The following R3HDM2 variants were observed in gnomAD, a reference collection of about 807,000 sequenced individuals.
R3HDM2 encodes R3H domain-containing protein 2.
Under a neutral mutation model 124.5 loss-of-function variants are expected in R3HDM2, and 38 were observed. That is an observed-to-expected ratio of 0.31 (90% confidence interval 0.24 to 0.40). R3HDM2 has a LOEUF of 0.40. R3HDM2 is among the 10% of genes least tolerant of loss of function. R3HDM2 has a pLI of 1.00. For missense variants in R3HDM2, 869 were observed against 1,236.9 expected, an observed-to-expected ratio of 0.70 and a Z score of 4.46; for synonymous variants, 391 against 448.0, an observed-to-expected ratio of 0.87 and a Z score of 1.61.
At chr12:57,328,058 G>A (rs906142616) in intron 2 of R3HDM2, among the ~76,000 whole-genome samples, 21 of 149,450 alleles carry the variant, frequency 1.4e-4, no homozygotes, top group Non-Finnish European at 3.0e-4. Flanking sequence ...CAGTCGATTC[G>A]GTAAATTCAC....
chr12:57,335,804 A>G (rs981721567), intron 2 of R3HDM2, among the ~76,000 whole-genome samples: 1 of 151,694 alleles, frequency 6.6e-6, no homozygotes, highest in East Asian at 1.9e-4. Context: ...ATGGTGGCTC[A>G]CCGTTGCAAA....
intron 3 of R3HDM2, among the ~76,000 whole-genome samples, chr12:57,308,924 A>T (rs1034361484): frequency 6.6e-6 from 1 of 152,240 alleles, no homozygotes; most frequent in Non-Finnish European, 1.5e-5. Flanking sequence ...CTGGAAGTAC[A>T]GCTGGAACAG....
chr12:57,255,079 A>G lies in R3HDM2; in HGVS notation c.2667T>C (p.Pro889=), dbSNP rs745965206. 1 of 1,605,514 alleles carries G rather than the reference A, an allele frequency of 6.2e-7. No homozygotes were observed. The highest frequency in any genetic ancestry group is 8.5e-7 in the Non-Finnish European group (1 of 1,175,236). The change falls in exon 24 of 24, where the codon CCT becomes CCC. Residue 889 remains proline, a synonymous_variant. Transcript: ENST00000402412. ...CCGCCTCAGTACGGGTGATGCCCTC[A>G]GGGAGATCTGTCACCTCCAGCACCC... The part of the protein sequence containing the change: ...LGRVLEVTDL[P]EGITRTEADK...
chr12:57,389,586 CA>C (rs2138632378), intron 2 of R3HDM2, among the ~76,000 whole-genome samples: 1 of 152,324 alleles, frequency 6.6e-6, no homozygotes, highest in Non-Finnish European at 1.5e-5. Context: ...ACTACATTGT[CA>C]AACTCTGATC....
At chr12:57,420,210 T>C (rs1013043661) in intron 1 of R3HDM2, among the ~76,000 whole-genome samples, 1 of 152,226 alleles carries the variant, frequency 6.6e-6, no homozygotes, top group Non-Finnish European at 1.5e-5. Context: ...TATATAAATA[T>C]GCTCGAGTTT....
At position 57,256,517 on chromosome 12, in the gene R3HDM2, G is replaced by A. The variant is rs754129681; in HGVS notation, c.2450-6C>T. On this transcript the variant is annotated splice_polypyrimidine_tract_variant and splice_region_variant and intron_variant, in intron 21 of 23. Coordinates refer to ENST00000402412, the MANE Select transcript of R3HDM2 (RefSeq NM_001394031.1). ...AAGGGAGTAGCGCCCATCACCTAGG[G>A]AGTAAGAGCAATTGGTTTTCTGGGA... 1.5e-5 allele frequency: 23 copies of A among 1,556,484 alleles called. No individual in the cohort carries two copies. The highest frequency in any genetic ancestry group is 2.0e-5 in the Admixed American group (1 of 51,276).
chr12:57,320,071 C>T (rs1443783847), intron 2 of R3HDM2, among the ~76,000 whole-genome samples: 1 of 151,664 alleles, frequency 6.6e-6, no homozygotes, highest in African/African-American at 2.4e-5. Flanking sequence ...TGAGCCTGGC[C>T]AACACGGTGA....
intron 13 of R3HDM2, among the ~76,000 whole-genome samples, chr12:57,282,754 G>A (rs2046475846): frequency 2.0e-5 from 3 of 152,206 alleles, no homozygotes; most frequent in Admixed American, 2.0e-4. Context: ...GAAAATAAAA[G>A]TGTGGATAAA....
At position 57,287,612 on chromosome 12, in the gene R3HDM2, T is replaced by C. The variant is rs117955596; in HGVS notation, c.938+1397A>G. ...GAAAGGACAACTACAGTAGTAGGAG[T>C]GAGATCTCAAATCCAAGTTAGTCAG... On this transcript the variant is annotated intron_variant, in intron 12 of 23. Coordinates refer to ENST00000402412, the MANE Select transcript of R3HDM2 (RefSeq NM_001394031.1). Among the ~76,000 whole-genome samples, 1,154 of 152,212 alleles carry C rather than the reference T, an allele frequency of 7.6e-3. 9 individuals are homozygous for C. Among genetic ancestry groups the C allele is most frequent in the Non-Finnish European group, 0.013 (890 of 68,000 alleles).
At chr12:57,373,117 A>G (rs780757174) in intron 2 of R3HDM2, among the ~76,000 whole-genome samples, 1 of 152,180 alleles carries the variant, frequency 6.6e-6, no homozygotes, top group Non-Finnish European at 1.5e-5. Context: ...TGAGAGAATC[A>G]CTTGAGCCAA....
intron 2 of R3HDM2, among the ~76,000 whole-genome samples, chr12:57,349,109 G>A (rs905916089): frequency 6.6e-6 from 1 of 152,028 alleles, no homozygotes; most frequent in Non-Finnish European, 1.5e-5. Context: ...GGCCGGGCAT[G>A]GTGGCTCACG....
chr12:57,367,874 G>C (rs2062850603), intron 2 of R3HDM2, among the ~76,000 whole-genome samples: 1 of 151,790 alleles, frequency 6.6e-6, no homozygotes, highest in Admixed American at 6.6e-5. Context: ...AAACCAACCA[G>C]TCTTGCTTTA....
At chr12:57,305,154 C>T (rs971054774) in intron 3 of R3HDM2, among the ~76,000 whole-genome samples, 1 of 152,062 alleles carries the variant, frequency 6.6e-6, no homozygotes, top group Non-Finnish European at 1.5e-5. Context: ...CACTGCACTC[C>T]AGCCTGAGCA....
rs990841491 is a variant in R3HDM2, at chr12:57,258,147, AGAG to A, written c.2302-13_2302-11del. The A allele has an allele frequency of 2.6e-6, 4 of 1,524,482 alleles. No individual in the cohort carries two copies. In the African/African-American group the frequency reaches 5.4e-5, roughly 21 times the overall value. The allele number at this position is 1,524,482 out of a possible 1,614,324, so 94.4% of individuals were successfully genotyped here. A position where few individuals can be genotyped will look rare whatever the true frequency, so the allele number is the denominator to read the frequency against. On this transcript the variant is annotated splice_polypyrimidine_tract_variant and intron_variant, in intron 20 of 23. Coordinates refer to ENST00000402412, the MANE Select transcript of R3HDM2 (RefSeq NM_001394031.1). ...TCATTTGTGTGTTGGCCTGTGGAAA[AGAG>A]GAGCACACGTCACATAAACATCAAA...
chr12:57,338,618 C>T (rs1156700603), intron 2 of R3HDM2, among the ~76,000 whole-genome samples: 5 of 152,092 alleles, frequency 3.3e-5, no homozygotes, highest in Admixed American at 6.5e-5. Flanking sequence ...TCTCGAACCC[C>T]AGACCTCAAG....
chr12:57,388,572 G>A (rs988167563), intron 2 of R3HDM2, among the ~76,000 whole-genome samples: 8 of 152,156 alleles, frequency 5.3e-5, no homozygotes, highest in Non-Finnish European at 1.0e-4. Flanking sequence ...TGTCAAGGTT[G>A]CAGTGAGCTA....
At position 57,265,737 on chromosome 12, in the gene R3HDM2, C is replaced by T. The variant is rs1450977518; in HGVS notation, c.2131+994G>A. On this transcript the variant is annotated intron_variant, in intron 19 of 23. Coordinates refer to ENST00000402412, the MANE Select transcript of R3HDM2 (RefSeq NM_001394031.1). The stretch of plus-strand genomic sequence containing the variant: ...ACAGCCTCAGCCTCCCAGGCTCAAG[C>T]GATTGTTCCCCTCAGACTCCTGAGC... Among the ~76,000 whole-genome samples the T allele has an allele frequency of 3.3e-5, 5 of 151,544 alleles. No individual in the cohort carries two copies. The South Asian group carries it at 6.3e-4, about 19-fold the overall frequency.
chr12:57,430,489 G>GCCCCCCCCCCCCCCCCCACCCCCCCC, intron 1 of R3HDM2: 1 of 790,576 alleles, frequency 1.3e-6, no homozygotes, highest in Non-Finnish European at 1.5e-6. Context: ...CCACCCCCCT[G>GCCCCCCCCCCCCCCCCCACCCCCCCC]CCCCCGCACC....
chr12:57,258,027 G>T lies in R3HDM2; in HGVS notation c.2412C>A (p.Val804=), dbSNP rs1490986575. 1 of 1,588,672 alleles carries T rather than the reference G, an allele frequency of 6.3e-7. No homozygotes were observed. Among genetic ancestry groups the T allele is most frequent in the African/African-American group, 1.3e-5 (1 of 74,700 alleles). The change falls in exon 21 of 24, where the codon GTC becomes GTA. Residue 804 remains valine (V), a synonymous_variant. Transcript: ENST00000402412. The stretch of plus-strand genomic sequence containing the variant: ...CCCCAGGCCGGGGGAACTGTGTGAG[G>T]ACAGGCAGGGGACTGAGTCCTGTGC... ...SVCTGLSPLP[V]LTQFPRPGGP... is the part of the protein sequence containing the mutation.
Sources: allele counts gnomAD v4.1 joint callset (sites outside exome capture counted in the v4.1 genomes callset), GRCh38; gene constraint gnomAD v4.1.1; transcripts MANE v1.5; gene names NCBI Gene and HGNC (gene_info 2026-07-23, HGNC 2026-07-21).